The following DNM3 variants were observed in gnomAD, a reference collection of about 807,000 sequenced individuals.
DNM3 encodes the protein dynamin 3.
Under a neutral mutation model 101.6 loss-of-function variants are expected in DNM3, and 47 were observed. That is an observed-to-expected ratio of 0.46 (90% CI 0.37 to 0.59). The LOEUF is 0.59. Ranked by LOEUF, DNM3 falls within the 20% of genes least tolerant of loss-of-function variation. The pLI, the probability that DNM3 is intolerant of heterozygous loss-of-function variation, is 0.00. For missense variants in DNM3, 849 were observed against 1,085.7 expected, an observed-to-expected ratio of 0.78 and a Z score of 3.06; for synonymous variants, 385 against 387.9, an observed-to-expected ratio of 0.99 and a Z score of 0.09.
intron 13 of DNM3, among the ~76,000 whole-genome samples, chr1:172,123,814 A>T (rs923901019): frequency 6.6e-6 from 1 of 152,074 alleles, no homozygotes; most frequent in South Asian, 2.1e-4. Flanking sequence ...TATTCCATTG[A>T]GTTTAATCCT....
intron 14 of DNM3, among the ~76,000 whole-genome samples, chr1:172,165,999 T>C (rs1268264458): frequency 6.6e-6 from 1 of 152,058 alleles, no homozygotes; most frequent in African/African-American, 2.4e-5. Flanking sequence ...CCTTTCTTGT[T>C]TCCCCCTGGC....
chr1:172,031,554 A>C (rs1267359983), intron 4 of DNM3, among the ~76,000 whole-genome samples: 1 of 152,216 alleles, frequency 6.6e-6, no homozygotes, highest in Non-Finnish European at 1.5e-5. Context: ...TGTATCCTGG[A>C]ACTTAAAGTA....
intron 14 of DNM3, among the ~76,000 whole-genome samples, chr1:172,197,587 A>G (rs547267878): frequency 6.6e-6 from 1 of 152,024 alleles, no homozygotes; most frequent in Non-Finnish European, 1.5e-5. Context: ...GATTTCTTTG[A>G]GCAGTGTTTT....
chr1:171,944,240 A>G (rs2125423307), intron 2 of DNM3, among the ~76,000 whole-genome samples: 1 of 152,298 alleles, frequency 6.6e-6, no homozygotes, highest in Non-Finnish European at 1.5e-5. Flanking sequence ...GCCATTTAAA[A>G]CAATAAAAAC....
intron 4 of DNM3, among the ~76,000 whole-genome samples, chr1:172,017,363 G>A (rs1361642039): frequency 6.6e-6 from 1 of 151,844 alleles, no homozygotes; most frequent in Non-Finnish European, 1.5e-5. Flanking sequence ...TCTAAGCAAT[G>A]CTTTTGTTGC....
At chr1:172,098,257 A>G (rs538024729) in intron 13 of DNM3, among the ~76,000 whole-genome samples, 1 of 152,256 alleles carries the variant, frequency 6.6e-6, no homozygotes, top group South Asian at 2.1e-4. Context: ...GCCATTTTAG[A>G]GGCCTACCCT....
chr1:172,304,237 C>T (rs1466004403), intron 15 of DNM3, among the ~76,000 whole-genome samples: 1 of 92,760 alleles, frequency 1.1e-5, no homozygotes, highest in African/African-American at 6.9e-5. Context: ...AGTTGCAATC[C>T]TAGTCTCTGA....
intron 17 of DNM3, among the ~76,000 whole-genome samples, chr1:172,340,562 G>A (rs965869489): frequency 2.6e-5 from 4 of 152,138 alleles, no homozygotes; most frequent in Admixed American, 1.3e-4. Context: ...TGAACTTTAC[G>A]ATCTTCATGA....
chr1:172,379,676 A>C (rs570603866), intron 18 of DNM3, among the ~76,000 whole-genome samples: 14 of 152,104 alleles, frequency 9.2e-5, no homozygotes, highest in Middle Eastern at 3.4e-3. Context: ...TTCTTGCTTT[A>C]TTCCCTCGGA....
intron 10 of DNM3, among the ~76,000 whole-genome samples, chr1:172,055,490 A>G (rs996361680): frequency 7.2e-5 from 11 of 151,920 alleles, no homozygotes; most frequent in Non-Finnish European, 1.2e-4. Flanking sequence ...TGCAGTATAT[A>G]TTACTATTAA....
At chr1:172,118,671 C>A (rs2056091881) in intron 13 of DNM3, among the ~76,000 whole-genome samples, 2 of 152,222 alleles carry the variant, frequency 1.3e-5, no homozygotes, top group East Asian at 3.9e-4. Flanking sequence ...TGTCACCCAC[C>A]CGTTCCACTC....
intron 14 of DNM3, among the ~76,000 whole-genome samples, chr1:172,152,355 T>C (rs1339865841): frequency 6.6e-6 from 1 of 152,040 alleles, no homozygotes; most frequent in Non-Finnish European, 1.5e-5. Context: ...TCCCTCATTC[T>C]TTTTAATCTT....
intron 13 of DNM3, among the ~76,000 whole-genome samples, chr1:172,097,550 C>T (rs938631340): frequency 1.6e-4 from 25 of 152,030 alleles, no homozygotes; most frequent in Admixed American, 4.6e-4. Context: ...TATCCGAAGC[C>T]GTGGGAGTAC....
chr1:172,238,687 G>A (rs1257031965), intron 14 of DNM3, among the ~76,000 whole-genome samples: 1 of 152,008 alleles, frequency 6.6e-6, no homozygotes, highest in Non-Finnish European at 1.5e-5. Context: ...AGAACAAATG[G>A]AACGAGAGGG....
intron 1 of DNM3, among the ~76,000 whole-genome samples, chr1:171,849,514 C>T (rs1293952933): frequency 6.6e-6 from 1 of 152,124 alleles, no homozygotes; most frequent in African/African-American, 2.4e-5. Flanking sequence ...GATGGTAATG[C>T]GTATTTGCAA....
chr1:172,262,639 G>C (rs1281982216), intron 15 of DNM3, among the ~76,000 whole-genome samples: 1 of 152,030 alleles, frequency 6.6e-6, no homozygotes, highest in Non-Finnish European at 1.5e-5. Context: ...TTGAATTCCA[G>C]TGTTCTCTCT....
intron 10 of DNM3, among the ~76,000 whole-genome samples, chr1:172,063,911 A>T (rs936874894): frequency 1.3e-4 from 19 of 151,978 alleles, no homozygotes; most frequent in African/African-American, 4.6e-4. Context: ...TCCTCAGAGG[A>T]CCTCTCACAC....
intron 11 of DNM3, among the ~76,000 whole-genome samples, chr1:172,077,674 CTGTT>C (rs1253832196): frequency 4.6e-5 from 7 of 152,098 alleles, no homozygotes; most frequent in Non-Finnish European, 1.0e-4. Context: ...GTCTGAGAGA[CTGTT>C]TGTTATGATT....
intron 17 of DNM3, among the ~76,000 whole-genome samples, chr1:172,333,901 T>C (rs950564639): frequency 2.0e-5 from 3 of 152,196 alleles, no homozygotes; most frequent in African/African-American, 4.8e-5. Context: ...AAAGTTCTGA[T>C]TGAGACATTT....
Sources: gnomAD v4.1 joint callset for allele counts (sites outside exome capture counted in the v4.1 genomes callset) on GRCh38, gnomAD v4.1.1 for gene constraint, MANE v1.5 for transcripts, NCBI Gene and HGNC (gene_info 2026-07-23, HGNC 2026-07-21) for gene names.